Variants in FAR1 observed in about 807,000 individuals in gnomAD.
FAR1 encodes fatty acyl-CoA reductase 1.
FAR1 carries 22 observed loss-of-function variants against 61.1 expected under a neutral mutation model. The ratio of observed to expected loss-of-function variants is 0.36; its 90% CI spans 0.26 to 0.51. FAR1 has a LOEUF of 0.51. FAR1 is among the 20% of genes least tolerant of loss of function. The probability of loss-of-function intolerance (pLI) is 0.95; values close to 1 mark genes in which losing one functional copy is unlikely to be tolerated. For missense variants in FAR1, 359 were observed against 626.9 expected (o/e 0.57, Z 4.56); for synonymous variants, 206 against 209.7 (o/e 0.98, Z 0.15).
At chr11:13,701,602 A>G (rs1420481570) in intron 3 of FAR1, among the ~76,000 whole-genome samples, 5 of 151,960 alleles carry the variant, frequency 3.3e-5, no homozygotes, top group South Asian at 4.1e-4. Flanking sequence ...TATTCCCCCT[A>G]TTGTCTTTAT....
chr11:13,715,513 A>T (rs77232321), intron 9 of FAR1, among the ~76,000 whole-genome samples: 1 of 152,186 alleles, frequency 6.6e-6, no homozygotes, highest in Non-Finnish European at 1.5e-5. Context: ...TATGTGAAAA[A>T]TATAGGATGC....
At chr11:13,717,269 C>T (rs949745117) in intron 9 of FAR1, among the ~76,000 whole-genome samples, 1 of 152,032 alleles carries the variant, frequency 6.6e-6, no homozygotes, top group Admixed American at 6.6e-5. Context: ...GTGATTTTGT[C>T]AGCATAGCTC....
chr11:13,703,222 G>A (rs879631948), intron 3 of FAR1, among the ~76,000 whole-genome samples: 12 of 151,988 alleles, frequency 7.9e-5, no homozygotes, highest in Non-Finnish European at 1.8e-4. Context: ...CACCTTTATC[G>A]CCCAGGCTGA....
rs1252450070 is a variant in FAR1 at position 13,713,092 on chromosome 11, G to C, written c.955+59G>C. 2.7e-6 allele frequency: 4 copies of C among 1,484,880 alleles called. No individual in the cohort carries two copies. The East Asian group carries it at 6.8e-5, about 25-fold the overall frequency. The allele number at this position is 1,484,880 out of a possible 1,614,324, so 92.0% of individuals were successfully genotyped here. A position where few individuals can be genotyped will look rare whatever the true frequency, so the allele number is the denominator to read the frequency against. Reference sequence around the variant, plus strand: ...TAAATCTTAAAGAACCAAGTTCCCTGAAGTTTTAATGTTAGAATACCTATG... The same window carrying C: ...TAAATCTTAAAGAACCAAGTTCCCTCAAGTTTTAATGTTAGAATACCTATG... On this transcript the variant is annotated intron_variant, in intron 8 of 11. Coordinates refer to ENST00000354817, the MANE Select transcript of FAR1 (RefSeq NM_032228.6).
chr11:13,699,705 A>G (rs542092586), intron 2 of FAR1, among the ~76,000 whole-genome samples: 1 of 152,328 alleles, frequency 6.6e-6, no homozygotes, highest in South Asian at 2.1e-4. Context: ...CTTTGGGTAC[A>G]CTTAAAGAAT....
At chr11:13,724,274 G>A (rs1435037742) in intron 10 of FAR1, among the ~76,000 whole-genome samples, 1 of 126,170 alleles carries the variant, frequency 7.9e-6, no homozygotes, top group East Asian at 1.9e-4. Flanking sequence ...GGGGCCGGGC[G>A]TGGTGGCTCA....
chr11:13,712,828 C>A, intron 7 of FAR1, 138 bp from the exon 8 acceptor site: 1 of 500,526 alleles, frequency 2.0e-6, no homozygotes, highest in Non-Finnish European at 3.5e-6. Flanking sequence ...AAAAACTAAT[C>A]CTTTAAGGAT....
At chr11:13,722,225 T>C (rs553838811) in intron 10 of FAR1, among the ~76,000 whole-genome samples, 1 of 152,274 alleles carries the variant, frequency 6.6e-6, no homozygotes, top group East Asian at 1.9e-4. Flanking sequence ...TATAAACTCT[T>C]TTACTTTTTG....
intron 2 of FAR1, among the ~76,000 whole-genome samples, chr11:13,697,914 T>C (rs1295262109): frequency 6.6e-6 from 1 of 152,146 alleles, no homozygotes; most frequent in African/African-American, 2.4e-5. Context: ...CTGTTTTATG[T>C]GAGATGAATG....
chr11:13,731,297 G>T lies in FAR1; in HGVS notation c.*2523G>T, dbSNP rs1356092563. The T allele has an allele frequency of 6.6e-6, 1 of 152,556 alleles. No homozygotes were observed. The highest frequency in any genetic ancestry group is 1.5e-5 in the Non-Finnish European group (1 of 67,998). 9.5% of individuals were successfully genotyped at this position (152,556 alleles called of 1,614,324 possible). A position where few individuals can be genotyped will look rare whatever the true frequency, so the allele number is the denominator to read the frequency against. Reference sequence around the variant, plus strand: ...GCATAAAATAATCATTTTTGAACCTGTGTAATAAAGCTTGAAAGCAGGGAA... The same window carrying T: ...GCATAAAATAATCATTTTTGAACCTTTGTAATAAAGCTTGAAAGCAGGGAA... On this transcript the variant is annotated 3_prime_UTR_variant, in exon 12 of 12. Transcript: ENST00000354817.
rs768267978 is a variant in FAR1 at position 13,727,546 on chromosome 11, G to C, written c.1258-10G>C. 2 of 1,570,184 alleles carry C rather than the reference G, an allele frequency of 1.3e-6. No homozygotes were observed. Among genetic ancestry groups the C allele is most frequent in the South Asian group, 2.4e-5 (2 of 83,466 alleles). On this transcript the variant is annotated splice_polypyrimidine_tract_variant and intron_variant, in intron 10 of 11. Transcript: ENST00000354817. ...CAAGAAAATAATCAGTAATTTTTTT[G>C]TTAACGTAGACCTTCAATATTGATG...
chr11:13,709,627 T>C (rs949787628), intron 4 of FAR1, among the ~76,000 whole-genome samples: 3 of 152,218 alleles, frequency 2.0e-5, no homozygotes, highest in South Asian at 2.1e-4. Context: ...GGTTTTTTTT[T>C]CCTCATGTAT....
chr11:13,683,073 T>C (rs766596757), intron 1 of FAR1, among the ~76,000 whole-genome samples: 4 of 152,136 alleles, frequency 2.6e-5, no homozygotes, highest in Non-Finnish European at 5.9e-5. Flanking sequence ...CTGAAAGGGA[T>C]AAGATAATGA....
chr11:13,725,443 T>TAA lies in FAR1; in HGVS notation c.1258-2098_1258-2097dup, dbSNP rs36122577. Among the ~76,000 whole-genome samples, 211 of 137,294 alleles carry TAA rather than the reference T, an allele frequency of 1.5e-3. 1 individual carries two copies. The highest frequency in any genetic ancestry group is 1.7e-3 in the Admixed American group (24 of 13,774). 90.1% of individuals were successfully genotyped at this position (137,294 alleles called of 152,430 possible). A position where few individuals can be genotyped will look rare whatever the true frequency, so the allele number is the denominator to read the frequency against. On this transcript the variant is annotated intron_variant, in intron 10 of 11. Coordinates refer to ENST00000354817, the MANE Select transcript of FAR1 (RefSeq NM_032228.6). ...ACATAAAATGTTTATTTAAAAATAG[T>TAA]AAAAAAAAAAAAAAAAGTAATCCTA...
chr11:13,670,316 T>C (rs535862301), intron 1 of FAR1, among the ~76,000 whole-genome samples: 1 of 150,662 alleles, frequency 6.6e-6, no homozygotes, highest in Admixed American at 6.6e-5. Flanking sequence ...TGTGTGTGTG[T>C]CTCGCTTTGT....
chr11:13,716,337 A>T (rs1196042274), intron 9 of FAR1, among the ~76,000 whole-genome samples: 1 of 152,238 alleles, frequency 6.6e-6, no homozygotes, highest in South Asian at 2.1e-4. Context: ...ATAACAAATC[A>T]TCTCAAACTT....
intron 9 of FAR1, 66 bp downstream of exon 9, chr11:13,714,746 A>G (rs1848537679): frequency 1.4e-6 from 2 of 1,395,200 alleles, no homozygotes; most frequent in African/African-American, 1.5e-5. Context: ...ACTAAAATGC[A>G]TATTAACTCT....
At chr11:13,710,316 C>T (rs1279587722) in intron 4 of FAR1, among the ~76,000 whole-genome samples, 1 of 151,890 alleles carries the variant, frequency 6.6e-6, no homozygotes, top group Non-Finnish European at 1.5e-5. Context: ...AATTTATGTA[C>T]TGTGTAATAA....
intron 9 of FAR1, among the ~76,000 whole-genome samples, chr11:13,714,926 C>CT (rs1384732857): frequency 6.6e-6 from 1 of 152,170 alleles, no homozygotes; most frequent in Admixed American, 6.5e-5. Flanking sequence ...CTTTAGGCTT[C>CT]TTTCTGAATA....
Sources: gnomAD v4.1 joint callset for allele counts (sites outside exome capture counted in the v4.1 genomes callset) on GRCh38, gnomAD v4.1.1 for gene constraint, MANE v1.5 for transcripts, NCBI Gene and HGNC (gene_info 2026-07-23, HGNC 2026-07-21) for gene names.